The following PSMB7 variants were observed in gnomAD, a reference collection of about 807,000 sequenced individuals.
PSMB7 encodes the protein proteasome 20S subunit beta 7, also known as proteasome subunit beta type-7.
Under a neutral mutation model 28.1 loss-of-function variants are expected in PSMB7, and 5 were observed. That is an observed-to-expected ratio of 0.18 (90% confidence interval 0.09 to 0.37). PSMB7 has a LOEUF of 0.37. PSMB7 is among the 10% of genes least tolerant of loss of function. PSMB7 has a pLI of 1.00. For missense variants in PSMB7, 275 were observed against 346.2 expected (o/e 0.79, Z 1.63); for synonymous variants, 122 against 123.7 (o/e 0.99, Z 0.09).
rs537777528 is a variant in PSMB7 at position 124,370,146 on chromosome 9, G to A, written c.571-13231C>T. Among the ~76,000 whole-genome samples the A allele has an allele frequency of 4.6e-5, 7 of 152,056 alleles. No individual in the cohort carries two copies. The South Asian group carries it at 8.3e-4, about 18-fold the overall frequency. On this transcript the variant is annotated intron_variant, in intron 6 of 7. Transcript: ENST00000259457. Reference sequence around the variant, plus strand: ...AACACAGATCTCTTCTGGTGGCGCAGATGCCAAGAAACTTCCCCTATTACA... The same window carrying A: ...AACACAGATCTCTTCTGGTGGCGCAAATGCCAAGAAACTTCCCCTATTACA...
At chr9:124,411,005 T>G (rs1831022805) in intron 4 of PSMB7, among the ~76,000 whole-genome samples, 2 of 152,170 alleles carry the variant, frequency 1.3e-5, no homozygotes, top group Admixed American at 1.3e-4. Context: ...AGACGGAGTC[T>G]TCTTCTGTCA....
chr9:124,376,614 C>T (rs916654062), intron 6 of PSMB7, among the ~76,000 whole-genome samples: 1 of 152,228 alleles, frequency 6.6e-6, no homozygotes, highest in Non-Finnish European at 1.5e-5. Context: ...CCCAAGCAGC[C>T]CACACCTCTG....
intron 6 of PSMB7, among the ~76,000 whole-genome samples, chr9:124,376,569 C>T (rs1336005708): frequency 1.3e-5 from 2 of 152,186 alleles, no homozygotes; most frequent in Non-Finnish European, 2.9e-5. Flanking sequence ...GGCTTTCTGC[C>T]GTCTTCACAA....
intron 7 of PSMB7, 143 bp from the exon 8 acceptor site, chr9:124,353,852 T>G: frequency 1.5e-6 from 1 of 688,846 alleles, no homozygotes; most frequent in Non-Finnish European, 2.5e-6. Flanking sequence ...CTCTGTGATC[T>G]TGGGGGATTC....
chr9:124,396,657 C>T, intron 5 of PSMB7: 1 of 425,836 alleles, frequency 2.3e-6, no homozygotes, highest in Non-Finnish European at 4.8e-6. Context: ...CTAAATTGTC[C>T]AAGGACCTCA....
At chr9:124,386,534 G>GA (rs1830722068) in intron 5 of PSMB7, among the ~76,000 whole-genome samples, 1 of 152,150 alleles carries the variant, frequency 6.6e-6, no homozygotes, top group South Asian at 2.1e-4. Context: ...AGAATCTCAG[G>GA]AAAAAATACT....
At chr9:124,408,280 T>C (rs1830988946) in intron 4 of PSMB7, among the ~76,000 whole-genome samples, 1 of 152,212 alleles carries the variant, frequency 6.6e-6, no homozygotes, top group Non-Finnish European at 1.5e-5. Flanking sequence ...GACAACATCT[T>C]TCAAAATGTT....
chr9:124,396,838 T>C (rs145588929), intron 5 of PSMB7: 2 of 470,356 alleles, frequency 4.3e-6, no homozygotes, highest in African/African-American at 2.0e-5. Context: ...GCTTGCCTAA[T>C]AAAGAAAAGC....
chr9:124,408,698 T>C (rs571617522), intron 4 of PSMB7, among the ~76,000 whole-genome samples: 93 of 152,256 alleles, frequency 6.1e-4, no homozygotes, highest in Non-Finnish European at 9.3e-4. Flanking sequence ...ATTTGTAACA[T>C]ACCATTATGT....
chr9:124,385,347 T>C (rs752652106), intron 5 of PSMB7, among the ~76,000 whole-genome samples: 1 of 152,224 alleles, frequency 6.6e-6, no homozygotes. Flanking sequence ...TTATGCTGCA[T>C]AGGTATTAAC....
chr9:124,389,763 C>T (rs982214972), intron 5 of PSMB7, among the ~76,000 whole-genome samples: 1 of 152,228 alleles, frequency 6.6e-6, no homozygotes, highest in African/African-American at 2.4e-5. Context: ...ACCTGGCCTG[C>T]TTCCCAGCTC....
chr9:124,364,667 G>A (rs911961983), intron 6 of PSMB7, among the ~76,000 whole-genome samples: 4 of 152,114 alleles, frequency 2.6e-5, no homozygotes, highest in Admixed American at 6.5e-5. Context: ...AACGCGGCCC[G>A]TGATAACTCT....
intron 4 of PSMB7, among the ~76,000 whole-genome samples, chr9:124,408,531 T>C (rs555629497): frequency 5.0e-4 from 76 of 152,332 alleles, no homozygotes; most frequent in Admixed American, 9.1e-4. Context: ...CTTAAGCTTT[T>C]ATGGGTCAGA....
In PSMB7 at chr9:124,353,601, G is replaced by A; in HGVS notation, c.831C>T (p.Ser277=). ...GCCAGCCACCCACTGATGCCATTCA[G>A]GAAGTGTCCATTGTTTGGACTGTTT... ...LEETVQTMDT[S] The change falls in exon 8 of 8, where the codon TCC becomes TCT. Residue 277 remains serine, a synonymous_variant. Transcript: ENST00000259457. 3.1e-6 allele frequency: 5 copies of A among 1,609,390 alleles called. No homozygotes were observed. Among genetic ancestry groups the A allele is most frequent in the Non-Finnish European group, 3.4e-6 (4 of 1,175,954 alleles).
chr9:124,409,241 C>A (rs925281641), intron 4 of PSMB7, among the ~76,000 whole-genome samples: 1 of 152,138 alleles, frequency 6.6e-6, no homozygotes, highest in African/African-American at 2.4e-5. Flanking sequence ...AGTGATGCTC[C>A]CTGAATGGCA....
chr9:124,382,965 G>C (rs1002563552), intron 6 of PSMB7, among the ~76,000 whole-genome samples: 2 of 152,168 alleles, frequency 1.3e-5, no homozygotes, highest in Non-Finnish European at 2.9e-5. Context: ...AGGAAGATTT[G>C]AAAAGATTAA....
At chr9:124,374,333 T>C (rs945605020) in intron 6 of PSMB7, among the ~76,000 whole-genome samples, 8 of 152,236 alleles carry the variant, frequency 5.3e-5, no homozygotes, top group Non-Finnish European at 7.3e-5. Flanking sequence ...TGTACATCTC[T>C]GTGAATACAC....
intron 6 of PSMB7, among the ~76,000 whole-genome samples, chr9:124,379,353 C>T (rs1830641602): frequency 6.6e-6 from 1 of 152,162 alleles, no homozygotes; most frequent in South Asian, 2.1e-4. Context: ...ACCTACTATG[C>T]CCCAGTCACC....
rs370850730 is a variant in PSMB7 at position 124,385,196 on chromosome 9, A to G, written c.512-540T>C. On this transcript the variant is annotated intron_variant, in intron 5 of 7. Transcript: ENST00000259457. The stretch of plus-strand genomic sequence containing the variant: ...CAGCAGCCACCAGGTTATTCCAGCT[A>G]CAACTGTAAAACACTTTATTATGTG... 9.8e-5 allele frequency among the ~76,000 whole-genome samples: 15 copies of G among 152,388 alleles called. No homozygotes were observed. In the East Asian group the frequency reaches 2.9e-3, roughly 29 times the overall value.
Sources: allele counts gnomAD v4.1 joint callset (sites outside exome capture counted in the v4.1 genomes callset), GRCh38; gene constraint gnomAD v4.1.1; transcripts MANE v1.5; gene names NCBI Gene and HGNC (gene_info 2026-07-23, HGNC 2026-07-21).